The following SLIT1 variants were observed in gnomAD, a reference collection of about 807,000 sequenced individuals.
The protein encoded by SLIT1 is slit guidance ligand 1.
Under a neutral mutation model 186.1 loss-of-function variants are expected in SLIT1, and 66 were observed. The observed-to-expected ratio is 0.35, with a 90% CI of 0.29 to 0.44. The LOEUF is 0.44. Among genes scored for constraint, SLIT1 ranks in the 20% least tolerant of loss-of-function variants. The pLI, the probability that SLIT1 is intolerant of heterozygous loss-of-function variation, is 1.00. For missense variants in SLIT1, 1,638 were observed against 2,037.4 expected (o/e 0.80, Z 3.77); for synonymous variants, 761 against 833.8 (o/e 0.91, Z 1.50).
chr10:97,004,062 C>T lies in SLIT1; in HGVS notation c.3865+6G>A. 4 of 1,601,446 alleles carry T rather than the reference C, an allele frequency of 2.5e-6. No individual in the cohort carries two copies. Among genetic ancestry groups the T allele is most frequent in the Non-Finnish European group, 2.6e-6 (3 of 1,169,874 alleles). On this transcript the variant is annotated splice_donor_region_variant and intron_variant, in intron 34 of 36. Transcript: ENST00000266058. This position sits in a 1 kb window ranked among gnomAD's most constrained non-coding sequence, Gnocchi z 5.1. Reference sequence around the variant, plus strand: ...AAAAGAGGCCCCGCCAGGGCCAGGTCCTCACCTCCCACATAGAGTGGCGCC... The same window carrying T: ...AAAAGAGGCCCCGCCAGGGCCAGGTTCTCACCTCCCACATAGAGTGGCGCC...
chr10:97,024,008 A>G (rs1357366785), intron 25 of SLIT1, among the ~76,000 whole-genome samples: 2 of 152,182 alleles, frequency 1.3e-5, no homozygotes, highest in Non-Finnish European at 2.9e-5. Context: ...CGAGGGAAGG[A>G]AAAGTGGGCC....
intron 4 of SLIT1, among the ~76,000 whole-genome samples, chr10:97,094,611 G>C (rs1349266826): frequency 6.6e-6 from 1 of 152,208 alleles, no homozygotes; most frequent in Non-Finnish European, 1.5e-5. Context: ...GGGTTAAATA[G>C]TATTCATAAG....
At chr10:97,019,297 G>A (rs1848482656) in intron 26 of SLIT1, among the ~76,000 whole-genome samples, 190 bp from the exon 27 acceptor site, 1 of 152,328 alleles carries the variant, frequency 6.6e-6, no homozygotes, top group Middle Eastern at 3.4e-3. Flanking sequence ...GTAAAATGGG[G>A]TTAATGACAG....
intron 24 of SLIT1, among the ~76,000 whole-genome samples, chr10:97,031,202 C>T (rs181670796): frequency 6.6e-6 from 1 of 152,186 alleles, no homozygotes; most frequent in African/African-American, 2.4e-5. Context: ...GGTGGGCTGA[C>T]TGAGGCCATC....
At chr10:97,060,347 T>C (rs1266536753) in intron 9 of SLIT1, among the ~76,000 whole-genome samples, 189 bp from the exon 10 acceptor site, 2 of 152,216 alleles carry the variant, frequency 1.3e-5, no homozygotes, top group Non-Finnish European at 2.9e-5. Flanking sequence ...TTGCGCTCCA[T>C]TATCACAGGC....
chr10:97,151,242 G>T (rs1849875129), intron 4 of SLIT1, among the ~76,000 whole-genome samples: 1 of 152,170 alleles, frequency 6.6e-6, no homozygotes, highest in South Asian at 2.1e-4. Flanking sequence ...GTGGGTGGGT[G>T]AGTAGAAGAT....
At chr10:97,098,224 C>T (rs7080283) in intron 4 of SLIT1, among the ~76,000 whole-genome samples, 3,338 of 152,304 alleles carry the variant, frequency 0.022, 127 homozygotes, top group African/African-American at 0.076. Context: ...ACCGGGATGA[C>T]CCGGGGGGCT....
chr10:97,160,377 G>A (rs1235152441), intron 3 of SLIT1, among the ~76,000 whole-genome samples: 2 of 152,210 alleles, frequency 1.3e-5, no homozygotes. Context: ...AGAAAGATTC[G>A]ATGAAAGGAA....
At chr10:97,104,451 C>G (rs1434152103) in intron 4 of SLIT1, among the ~76,000 whole-genome samples, 1 of 152,092 alleles carries the variant, frequency 6.6e-6, no homozygotes. Context: ...TAGGAACATG[C>G]CTTGCATGTA....
chr10:97,069,573 G>T (rs1456117998), intron 4 of SLIT1, among the ~76,000 whole-genome samples: 1 of 152,192 alleles, frequency 6.6e-6, no homozygotes, highest in Non-Finnish European at 1.5e-5. Context: ...GAACAAGTCC[G>T]CTGGAGGGAG....
chr10:97,066,161 G>T, intron 4 of SLIT1, 75 bp from the exon 5 acceptor site: 1 of 1,222,118 alleles, frequency 8.2e-7, no homozygotes, highest in African/African-American at 1.5e-5. Context: ...TGATAAGTCA[G>T]GGAAGCAGGG....
chr10:97,145,102 A>G (rs1270985072), intron 4 of SLIT1, among the ~76,000 whole-genome samples: 4 of 152,052 alleles, frequency 2.6e-5, no homozygotes, highest in Non-Finnish European at 5.9e-5. Flanking sequence ...CATGTACAGT[A>G]TTATTATTAA....
At chr10:97,180,257 T>C (rs915592890) in intron 1 of SLIT1, among the ~76,000 whole-genome samples, 1 of 152,386 alleles carries the variant, frequency 6.6e-6, no homozygotes, top group Admixed American at 6.5e-5. Flanking sequence ...TACCATTTAT[T>C]GAGCACTCGC....
intron 1 of SLIT1, among the ~76,000 whole-genome samples, chr10:97,177,188 C>T (rs1415607475): frequency 6.6e-6 from 1 of 152,226 alleles, no homozygotes; most frequent in Non-Finnish European, 1.5e-5. Flanking sequence ...CCATCTCTCT[C>T]TCCAACCTGA....
At chr10:97,125,223 T>C (rs1656606467) in intron 4 of SLIT1, among the ~76,000 whole-genome samples, 1 of 152,212 alleles carries the variant, frequency 6.6e-6, no homozygotes, top group South Asian at 2.1e-4. Flanking sequence ...GTCCTACTGA[T>C]CTTGCCATAT....
intron 4 of SLIT1, among the ~76,000 whole-genome samples, chr10:97,120,290 A>C (rs115813193): frequency 6.6e-6 from 1 of 151,960 alleles, no homozygotes; most frequent in Non-Finnish European, 1.5e-5. Context: ...ATGAGACCCA[A>C]ATGGCTTTGG....
At chr10:97,053,432 G>C (rs1208808775) in intron 13 of SLIT1, among the ~76,000 whole-genome samples, 1 of 152,124 alleles carries the variant, frequency 6.6e-6, no homozygotes, top group Non-Finnish European at 1.5e-5. Flanking sequence ...AAATTTGTGG[G>C]CTTTAATGAG....
At chr10:97,167,218 A>G (rs1369758771) in intron 1 of SLIT1, among the ~76,000 whole-genome samples, 4 of 152,174 alleles carry the variant, frequency 2.6e-5, no homozygotes, top group Non-Finnish European at 4.4e-5. Context: ...TCATTTTTCA[A>G]TGAACTAAAT....
chr10:97,089,313 C>G (rs577833213), intron 4 of SLIT1, among the ~76,000 whole-genome samples: 112 of 152,336 alleles, frequency 7.4e-4, no homozygotes, highest in Middle Eastern at 3.4e-3. Flanking sequence ...AGGCTCTGAG[C>G]TGGGAAGCCT....
Sources: gnomAD v4.1 joint callset for allele counts (sites outside exome capture counted in the v4.1 genomes callset) on GRCh38, gnomAD v4.1.1 for gene constraint, Gnocchi (gnomAD v3.1) non-coding constraint, MANE v1.5 for transcripts, NCBI Gene and HGNC (gene_info 2026-07-23, HGNC 2026-07-21) for gene names.